Variants in ATP9A observed in about 807,000 individuals in gnomAD.
ATP9A encodes ATPase phospholipid transporting 9A.
ATP9A carries 52 observed loss-of-function variants against 144.1 expected under a neutral mutation model. The observed-to-expected ratio is 0.36, with a 90% CI of 0.29 to 0.45. ATP9A has a LOEUF of 0.45. ATP9A is among the 20% of genes least tolerant of loss of function. The pLI, the probability that ATP9A is intolerant of heterozygous loss-of-function variation, is 1.00. For missense variants in ATP9A, 947 were observed against 1,392.7 expected, an observed-to-expected ratio of 0.68 and a Z score of 5.09; for synonymous variants, 582 against 557.4, an observed-to-expected ratio of 1.04 and a Z score of -0.62.
intron 1 of ATP9A, among the ~76,000 whole-genome samples, chr20:51,730,753 A>C (rs1054607220): frequency 2.0e-4 from 30 of 152,200 alleles, no homozygotes; most frequent in African/African-American, 7.0e-4. Flanking sequence ...GTGTCTCTAA[A>C]CATATCTACA....
rs375757424 is a variant in ATP9A, at chr20:51,674,269, G to C, written c.921C>G (p.Leu307=). 32 of 1,613,814 alleles carry C rather than the reference G, an allele frequency of 2.0e-5. No homozygotes were observed. In the African/African-American group the frequency reaches 4.1e-4, roughly 21 times the overall value. The change falls in exon 11 of 28, where the codon CTC becomes CTG. Residue 307 remains leucine, a synonymous_variant. Transcript: ENST00000338821. ...DLEVNCLTKI[L]FGALVVVSLV... ...GCGAGACCACCACCAGGGCACCAAA[G>C]AGGATCTTGGTGAGGCAGTTCACTT...
intron 1 of ATP9A, among the ~76,000 whole-genome samples, chr20:51,747,104 T>G (rs560705303): frequency 7.0e-4 from 106 of 150,672 alleles, no homozygotes; most frequent in African/African-American, 2.4e-3. Context: ...TTTCGTTTTT[T>G]TTTTTTTTTT....
intron 14 of ATP9A, among the ~76,000 whole-genome samples, chr20:51,646,008 A>C (rs147206565): frequency 7.3e-4 from 111 of 152,350 alleles, no homozygotes; most frequent in African/African-American, 2.5e-3. Flanking sequence ...ATGAACAGAT[A>C]CATTAGACGC....
At chr20:51,606,818 C>T (rs972690910) in intron 26 of ATP9A, among the ~76,000 whole-genome samples, 39 of 152,090 alleles carry the variant, frequency 2.6e-4, no homozygotes, top group Non-Finnish European at 4.1e-4. Flanking sequence ...GTCGAGGCTA[C>T]GGCGAGCCGT....
chr20:51,638,415 G>T (rs944436687), intron 15 of ATP9A, among the ~76,000 whole-genome samples: 1 of 151,934 alleles, frequency 6.6e-6, no homozygotes, highest in African/African-American at 2.4e-5. Flanking sequence ...CTCCAACATA[G>T]GTGTGGGACT....
intron 27 of ATP9A, among the ~76,000 whole-genome samples, chr20:51,603,560 T>C (rs181935397): frequency 6.0e-4 from 92 of 152,158 alleles, no homozygotes; most frequent in African/African-American, 2.1e-3. Flanking sequence ...TGTGGCTCAA[T>C]CAATTGGGAA....
At chr20:51,743,355 T>C (rs2077792868) in intron 1 of ATP9A, among the ~76,000 whole-genome samples, 1 of 150,230 alleles carries the variant, frequency 6.7e-6, no homozygotes, top group South Asian at 2.1e-4. Flanking sequence ...CCATCCCACA[T>C]TCCAGACAGG....
Position 51,627,686 on chromosome 20 carries a change from G to C in ATP9A, c.1762-3C>G. The C allele has an allele frequency of 6.2e-7, 1 of 1,613,948 alleles. No individual in the cohort carries two copies. Among genetic ancestry groups the C allele is most frequent in the Non-Finnish European group, 8.5e-7 (1 of 1,179,886 alleles). ...CCTTCTCGGGCCATGTTGCCACACT[G>C]AAAAATAGACCACGGTCGAGTGGGA... On this transcript the variant is annotated splice_region_variant and splice_polypyrimidine_tract_variant and intron_variant, in intron 16 of 27. Transcript: ENST00000338821.
rs755810848 is a variant in ATP9A, at chr20:51,657,175, G to A, written c.1294-25C>T. On this transcript the variant is annotated intron_variant, in intron 13 of 27. Coordinates refer to ENST00000338821, the MANE Select transcript of ATP9A (RefSeq NM_006045.3). ...GCTACAGGAAGGAGAAATGAACAAG[G>A]AAGATGACCAGAGGCAGGAATGATT... 8 of 1,585,546 alleles carry A rather than the reference G, an allele frequency of 5.0e-6. No homozygotes were observed. The South Asian group carries it at 8.9e-5, about 18-fold the overall frequency.
chr20:51,676,859 A>G (rs959340959), intron 9 of ATP9A, among the ~76,000 whole-genome samples: 6 of 146,790 alleles, frequency 4.1e-5, no homozygotes, highest in African/African-American at 1.5e-4. Context: ...CAACTGATCC[A>G]TCTGCCTCGG....
chr20:51,744,975 TAAA>T (rs970516818), intron 1 of ATP9A, among the ~76,000 whole-genome samples: 12 of 151,508 alleles, frequency 7.9e-5, no homozygotes, highest in African/African-American at 2.9e-4. Context: ...ACTAAAAATA[TAAA>T]AATTAGCTGG....
chr20:51,684,768 T>C (rs1051710704), intron 9 of ATP9A, among the ~76,000 whole-genome samples: 19 of 151,068 alleles, frequency 1.3e-4, no homozygotes, highest in African/African-American at 4.4e-4. Context: ...CCCAGCACTT[T>C]GGTAGGCTGA....
At chr20:51,751,510 C>A (rs1030561876) in intron 1 of ATP9A, among the ~76,000 whole-genome samples, 1 of 152,108 alleles carries the variant, frequency 6.6e-6, no homozygotes, top group Non-Finnish European at 1.5e-5. Context: ...AATCCTCCCA[C>A]CTCCGCCTCT....
In ATP9A at chr20:51,611,275, C is replaced by CA. The variant is rs143727585; in HGVS notation, c.2572-1111dup. Among the ~76,000 whole-genome samples, 1,335 of 152,324 alleles carry CA rather than the reference C, an allele frequency of 8.8e-3. 21 individuals carry two copies. Among genetic ancestry groups the CA allele is most frequent in the African/African-American group, 0.031 (1,275 of 41,576 alleles). ...TCAGAGCGCAGGTGATCCTGAGCGC[C>CA]ATGGCCACAGGAAGCCCCAGTTCGC... On this transcript the variant is annotated intron_variant, in intron 23 of 27. Coordinates refer to ENST00000338821, the MANE Select transcript of ATP9A (RefSeq NM_006045.3). The surrounding 1 kb of genome is among the most constrained non-coding windows in gnomAD (Gnocchi z 4.2).
chr20:51,742,513 T>C lies in ATP9A; in HGVS notation c.69-12535A>G, dbSNP rs528139104. Among the ~76,000 whole-genome samples, 31 of 151,864 alleles carry C rather than the reference T, an allele frequency of 2.0e-4. No homozygotes were observed. The East Asian group carries it at 3.1e-3, about 15-fold the overall frequency. ...CTACCCTGCTGTTGCTCCTCCTCCT[T>C]TACTTTTTTTTTTCTTTTTTTGAGA... On this transcript the variant is annotated intron_variant, in intron 1 of 27. Transcript: ENST00000338821.
intron 4 of ATP9A, among the ~76,000 whole-genome samples, chr20:51,711,852 A>AT (rs11469394): frequency 0.033 from 4,040 of 120,858 alleles, 103 homozygotes; most frequent in African/African-American, 0.046. Context: ...TTCAATTTCA[A>AT]TTTTTTTTTT....
At chr20:51,766,504 C>T (rs1435990047) in intron 1 of ATP9A, among the ~76,000 whole-genome samples, 2 of 152,120 alleles carry the variant, frequency 1.3e-5, no homozygotes, top group African/African-American at 4.8e-5. Context: ...GTACGATGTA[C>T]CAGGCACTGT....
intron 23 of ATP9A, among the ~76,000 whole-genome samples, chr20:51,610,719 C>T (rs2077181818): frequency 6.6e-6 from 1 of 152,106 alleles, no homozygotes; most frequent in Non-Finnish European, 1.5e-5. Flanking sequence ...ATGCACGCTG[C>T]TAACCAAAGT....
intron 1 of ATP9A, among the ~76,000 whole-genome samples, chr20:51,752,022 A>G (rs1343313188): frequency 4.0e-5 from 6 of 151,330 alleles, no homozygotes; most frequent in African/African-American, 7.3e-5. Flanking sequence ...CAGAGCCTAC[A>G]TTTTGTAGGT....
Sources: allele counts gnomAD v4.1 joint callset (sites outside exome capture counted in the v4.1 genomes callset), GRCh38; gene constraint gnomAD v4.1.1; non-coding constraint Gnocchi (gnomAD v3.1); transcripts MANE v1.5; gene names NCBI Gene and HGNC (gene_info 2026-07-23, HGNC 2026-07-21).